PPIE: variants seen among roughly 807,000 people sequenced by gnomAD.
The protein encoded by PPIE is peptidylprolyl isomerase E.
PPIE carries 20 observed loss-of-function variants against 38.4 expected under a neutral mutation model. The observed-to-expected ratio is 0.52, with a 90% CI of 0.37 to 0.76. The LOEUF is 0.76. Ranked by LOEUF, PPIE falls within the 30% of genes least tolerant of loss-of-function variation. The pLI is 0.00. For synonymous variants in PPIE, 142 were observed against 135.7 expected, an observed-to-expected ratio of 1.05 and a Z score of -0.32; for missense variants, 322 against 385.8, an observed-to-expected ratio of 0.83 and a Z score of 1.39.
chr1:39,762,075 C>G (rs1263657170), intron 9 of PPIE, among the ~76,000 whole-genome samples: 2 of 152,228 alleles, frequency 1.3e-5, no homozygotes, highest in Non-Finnish European at 2.9e-5. Context: ...CCCACGCGTC[C>G]TCATCATCCC....
At chr1:39,760,655 C>G, downstream of PPIE, 1 of 1,497,040 alleles carries the variant, frequency 6.7e-7, no homozygotes, top group Non-Finnish European at 8.9e-7. Flanking sequence ...TCCACCTGCT[C>G]CCTGCCCTGG....
chr1:39,754,861 A>G lies in PPIE; in HGVS notation c.*1506A>G. 1 of 317,072 alleles carries G rather than the reference A, an allele frequency of 3.2e-6. No individual in the cohort carries two copies. Among genetic ancestry groups the G allele is most frequent in the Non-Finnish European group, 4.6e-6 (1 of 218,702 alleles). The allele number at this position is 317,072 out of a possible 1,614,324, so 19.6% of individuals were successfully genotyped here. On this transcript the variant is annotated 3_prime_UTR_variant, in exon 10 of 10. Coordinates refer to ENST00000324379, the MANE Select transcript of PPIE (RefSeq NM_006112.4). Reference sequence around the variant, plus strand: ...TGACAAGAGGGAGACCCTGTCTTGAAAAAAAGAAACCATCATCACAGCAAC... The same window carrying G: ...TGACAAGAGGGAGACCCTGTCTTGAGAAAAAGAAACCATCATCACAGCAAC...
At chr1:39,743,360 T>C in intron 5 of PPIE, 63 bp downstream of exon 5, 1 of 1,436,854 alleles carries the variant, frequency 7.0e-7, no homozygotes, top group Non-Finnish European at 9.8e-7. Flanking sequence ...GTTGCATTTT[T>C]TGTCTCTATT....
chr1:39,738,985 C>T, intron 1 of PPIE, 54 bp downstream of exon 1: 2 of 1,397,782 alleles, frequency 1.4e-6, no homozygotes, highest in Non-Finnish European at 9.3e-7. Flanking sequence ...CCCCAAGGGT[C>T]GGGGCGTGGG....
chr1:39,759,122 C>T (rs1486119904), downstream of PPIE: 1 of 152,328 alleles, frequency 6.6e-6, no homozygotes, highest in Non-Finnish European at 1.5e-5. Flanking sequence ...CAAATAAACA[C>T]TCCAACTCCC....
Position 39,753,432 on chromosome 1 carries a change from A to G in PPIE, c.*77A>G, listed in dbSNP as rs530908437. 1.2e-4 allele frequency: 197 copies of G among 1,579,200 alleles called. No individual in the cohort carries two copies. In the South Asian group the frequency reaches 2.1e-3, roughly 17 times the overall value. The stretch of plus-strand genomic sequence containing the variant: ...AGGAACTGCCAGCCTCAGAGGAGGC[A>G]GCACCGAGGGTGCCTGTTTGAAGCA... On this transcript the variant is annotated 3_prime_UTR_variant, in exon 10 of 10. Transcript: ENST00000324379.
intron 7 of PPIE, chr1:39,746,829 C>G (rs552663601): frequency 9.1e-4 from 138 of 152,296 alleles, no homozygotes; most frequent in African/African-American, 3.2e-3. Context: ...CTCTTCCTCC[C>G]TGCTTTTTAA....
At chr1:39,739,000 G>A (rs934637829) in intron 1 of PPIE, 69 bp downstream of exon 1, 6 of 1,369,740 alleles carry the variant, frequency 4.4e-6, no homozygotes, top group Middle Eastern at 1.9e-4. Flanking sequence ...CGTGGGGTGG[G>A]ACGCATCTCT....
rs1008538745 is a variant in PPIE, at chr1:39,741,828, G to A, written c.175-67G>A. 18 of 1,576,178 alleles carry A rather than the reference G, an allele frequency of 1.1e-5. No individual in the cohort carries two copies. The African/African-American group carries it at 2.4e-4, about 21-fold the overall frequency. On this transcript the variant is annotated intron_variant, in intron 3 of 9. Transcript: ENST00000324379. ...TTTCTGGATTTTTGCTACTGAGCAT[G>A]TGTTTAGACACCATAAGAAGCATTT...
chr1:39,745,697 G>A (rs2124322875), intron 7 of PPIE, 199 bp downstream of exon 7: 1 of 685,072 alleles, frequency 1.5e-6, no homozygotes, highest in Non-Finnish European at 2.3e-6. Context: ...CTGGCTTACT[G>A]TTTTTTAATC....
intron 9 of PPIE, chr1:39,763,007 A>G: frequency 6.6e-7 from 1 of 1,519,822 alleles, no homozygotes; most frequent in South Asian, 1.1e-5. Flanking sequence ...AGGTGGCCTC[A>G]CTGCCCTCCC....
At chr1:39,741,584 G>C (rs1647058304) in intron 3 of PPIE, 175 bp downstream of exon 3, 1 of 704,342 alleles carries the variant, frequency 1.4e-6, no homozygotes, top group Non-Finnish European at 2.4e-6. Context: ...ACTGGACTGT[G>C]AATAACATGT....
At chr1:39,761,838 T>G (rs2124419065) in intron 9 of PPIE, among the ~76,000 whole-genome samples, 1 of 152,356 alleles carries the variant, frequency 6.6e-6, no homozygotes, top group South Asian at 2.1e-4. Flanking sequence ...CACGGTTGTT[T>G]TGCTTTGGAC....
chr1:39,763,905 C>T (rs1649393089), exon 10 of PPIE: 1 of 1,256,488 alleles, frequency 8.0e-7, no homozygotes, highest in African/African-American at 1.6e-5. Flanking sequence ...AAATGAATGA[C>T]AGGAAACCAT....
Position 39,763,386 on chromosome 1 carries a change from C to CCCCTCCCCAGCCGGCCCTCCCCAG in PPIE, c.838-281_838-280insAGCCCTCCCCAGCCGGCCCTCCCC, listed in dbSNP as rs751592521. On this transcript the variant is annotated intron_variant, in intron 9 of 9. Transcript: ENST00000356511. Reference sequence around the variant, plus strand: ...CATCCCCCATATCTTCACTTTGCGTCCCCTCCCCAGCCGGCCCTCCCCTGC... The same window carrying CCCCTCCCCAGCCGGCCCTCCCCAG: ...CATCCCCCATATCTTCACTTTGCGTCCCCTCCCCAGCCGGCCCTCCCCAGCCCTCCCCAGCCGGCCCTCCCCTGC... Among the ~76,000 whole-genome samples, 45 of 137,336 alleles carry CCCCTCCCCAGCCGGCCCTCCCCAG rather than the reference C, an allele frequency of 3.3e-4. 1 individual carries two copies. The highest frequency in any genetic ancestry group is 6.5e-4 in the Non-Finnish European group (40 of 61,510). 90.1% of individuals were successfully genotyped at this position (137,336 alleles called of 152,430 possible).
In PPIE at chr1:39,751,518, C is replaced by T. The variant is rs545672075; in HGVS notation, c.695-1392C>T. On this transcript the variant is annotated intron_variant, in intron 8 of 9. Coordinates refer to ENST00000324379, the MANE Select transcript of PPIE (RefSeq NM_006112.4). ...TTATAGGTGCACGCCATCCATAATG[C>T]CAGGCTAATTTTTAAGTTTTTTGTA... 1.7e-3 allele frequency among the ~76,000 whole-genome samples: 253 copies of T among 152,106 alleles called. 1 individual carries two copies. The highest frequency in any genetic ancestry group is 2.8e-3 in the Non-Finnish European group (192 of 67,994).
Position 39,756,504 on chromosome 1 carries a change from G to T in PPIE, c.*3149G>T, listed in dbSNP as rs565433728. The T allele has an allele frequency of 4.4e-5, 43 of 985,298 alleles. No homozygotes were observed. The highest frequency in any genetic ancestry group is 5.2e-5 in the Non-Finnish European group (43 of 829,946). The allele number at this position is 985,298 out of a possible 1,614,324, so 61.0% of individuals were successfully genotyped here. On this transcript the variant is annotated 3_prime_UTR_variant, in exon 10 of 10. Coordinates refer to ENST00000324379, the MANE Select transcript of PPIE (RefSeq NM_006112.4). ...TGTCCTCTCCAACAGCATGACAGCCGCCTCCAGGTGCTCCCAGCATCTGTT... is the reference window on the plus strand; with the variant it reads ...TGTCCTCTCCAACAGCATGACAGCCTCCTCCAGGTGCTCCCAGCATCTGTT...
Position 39,748,167 on chromosome 1 carries a change from C to T in PPIE, c.509-736C>T, listed in dbSNP as rs560643237. The T allele has an allele frequency of 5.9e-5, 9 of 152,286 alleles. No homozygotes were observed. The East Asian group carries it at 1.7e-3, about 29-fold the overall frequency. 9.4% of individuals were successfully genotyped at this position (152,286 alleles called of 1,614,324 possible). On this transcript the variant is annotated intron_variant, in intron 7 of 9. Coordinates refer to ENST00000324379, the MANE Select transcript of PPIE (RefSeq NM_006112.4). ...TAAATATGATTTGCAAATAAGCATTCTCCTGTTCTGTGGGTTGCTTTGCCC... is the reference window on the plus strand; with the variant it reads ...TAAATATGATTTGCAAATAAGCATTTTCCTGTTCTGTGGGTTGCTTTGCCC...
chr1:39,746,420 G>A (rs1423376019), intron 7 of PPIE: 1 of 152,182 alleles, frequency 6.6e-6, no homozygotes, highest in Non-Finnish European at 1.5e-5. Flanking sequence ...ATGAGGGCAA[G>A]GCTGAATTCC....
Sources: allele counts gnomAD v4.1 joint callset (sites outside exome capture counted in the v4.1 genomes callset), GRCh38; gene constraint gnomAD v4.1.1; transcripts MANE v1.5; gene names NCBI Gene and HGNC (gene_info 2026-07-23, HGNC 2026-07-21).